SYNPR: variants seen among roughly 807,000 people sequenced by gnomAD.
SYNPR encodes synaptoporin.
Under a neutral mutation model 32.9 loss-of-function variants are expected in SYNPR, and 23 were observed. The ratio of observed to expected loss-of-function variants is 0.70; its 90% CI spans 0.50 to 0.99. SYNPR has a LOEUF of 0.99. Ranked by LOEUF, SYNPR falls within the 50% of genes least tolerant of loss-of-function variation. The pLI is 0.00. For missense variants in SYNPR, 318 were observed against 349.3 expected (o/e 0.91, Z 0.71); for synonymous variants, 146 against 135.9 (o/e 1.07, Z -0.52).
intron 1 of SYNPR, among the ~76,000 whole-genome samples, chr3:63,248,460 C>A (rs2086307456): frequency 6.6e-6 from 1 of 151,870 alleles, no homozygotes. Context: ...GTAAGAGATG[C>A]ATAAGTATGA....
chr3:63,271,954 T>C (rs1021516227), intron 3 of SYNPR, among the ~76,000 whole-genome samples: 1 of 151,756 alleles, frequency 6.6e-6, no homozygotes, highest in Non-Finnish European at 1.5e-5. Flanking sequence ...GGCCTAGGGG[T>C]TCAAAGAGAA....
At chr3:63,443,533 T>TATGGAGA in intron 2 of SYNPR, 1 of 1,536,310 alleles carries the variant, frequency 6.5e-7, no homozygotes. Flanking sequence ...TGTATGTGTC[T>TATGGAGA]CCATAGGCAC....
At chr3:63,326,239 T>C (rs756086063) in intron 2 of SYNPR, among the ~76,000 whole-genome samples, 1 of 152,046 alleles carries the variant, frequency 6.6e-6, no homozygotes, top group Non-Finnish European at 1.5e-5. Context: ...AAAGATCCCA[T>C]TGAAGTCAAT....
At chr3:63,264,618 G>T (rs568715893) in intron 2 of SYNPR, among the ~76,000 whole-genome samples, 1 of 152,170 alleles carries the variant, frequency 6.6e-6, no homozygotes, top group Non-Finnish European at 1.5e-5. Flanking sequence ...GAAGTAAGTG[G>T]TAGCCTGACA....
chr3:63,560,801 A>G (rs1419461142), intron 4 of SYNPR, among the ~76,000 whole-genome samples: 1 of 152,118 alleles, frequency 6.6e-6, no homozygotes, highest in Non-Finnish European at 1.5e-5. Context: ...TGAGAACAGC[A>G]GGGGGGGAAC....
At chr3:63,303,919 C>A (rs1303950054) in intron 2 of SYNPR, among the ~76,000 whole-genome samples, 2 of 151,896 alleles carry the variant, frequency 1.3e-5, no homozygotes, top group East Asian at 3.9e-4. Flanking sequence ...GTTAATGAAA[C>A]CCTCCAAGTG....
At chr3:63,585,420 C>A (rs1703165934) in intron 4 of SYNPR, among the ~76,000 whole-genome samples, 1 of 150,204 alleles carries the variant, frequency 6.7e-6, no homozygotes, top group Non-Finnish European at 1.5e-5. Flanking sequence ...AATGGCATTT[C>A]AGTCACATGT....
intron 3 of SYNPR, among the ~76,000 whole-genome samples, chr3:63,507,986 C>G (rs1156911746): frequency 6.6e-6 from 1 of 151,696 alleles, no homozygotes; most frequent in Non-Finnish European, 1.5e-5. Flanking sequence ...TTTGTTTAAC[C>G]TGATATATCC....
chr3:63,382,015 A>G (rs915771792), intron 2 of SYNPR, among the ~76,000 whole-genome samples: 4 of 152,200 alleles, frequency 2.6e-5, no homozygotes, highest in Non-Finnish European at 5.9e-5. Context: ...TTATATCCCC[A>G]GTTTATAATT....
At chr3:63,211,861 C>CGA in the SYNPR span, among the ~76,000 whole-genome samples, 1 of 64,018 alleles carries the variant, frequency 1.6e-5, no homozygotes, top group African/African-American at 6.0e-5. Flanking sequence ...CCTCCCCCCT[C>CGA]CCCCGACCCC....
intron 2 of SYNPR, among the ~76,000 whole-genome samples, chr3:63,292,504 C>T (rs992959009): frequency 7.9e-5 from 12 of 152,174 alleles, no homozygotes; most frequent in African/African-American, 2.9e-4. Flanking sequence ...TTGGATTTGA[C>T]TGTCAGCTCC....
At chr3:63,308,294 GAT>G (rs2086928419) in intron 2 of SYNPR, among the ~76,000 whole-genome samples, 1 of 151,942 alleles carries the variant, frequency 6.6e-6, no homozygotes, top group African/African-American at 2.4e-5. Flanking sequence ...ACATACAGCG[GAT>G]ATTCAATGGA....
At chr3:63,570,032 C>CTTTG (rs537469085) in intron 4 of SYNPR, among the ~76,000 whole-genome samples, 36 of 152,188 alleles carry the variant, frequency 2.4e-4, no homozygotes, top group African/African-American at 4.6e-4. Context: ...CTTTCATTGG[C>CTTTG]TTTGTTTGTT....
chr3:63,236,570 T>G (rs1370101971), intron 1 of SYNPR, among the ~76,000 whole-genome samples: 2 of 152,134 alleles, frequency 1.3e-5, no homozygotes, highest in Non-Finnish European at 2.9e-5. Context: ...GTTGTAATAT[T>G]CAGTATACAC....
intron 2 of SYNPR, among the ~76,000 whole-genome samples, chr3:63,381,586 A>G (rs1330503426): frequency 6.6e-6 from 1 of 152,198 alleles, no homozygotes; most frequent in Admixed American, 6.5e-5. Flanking sequence ...ACATGCCTAC[A>G]TTTTTATAGC....
intron 2 of SYNPR, among the ~76,000 whole-genome samples, chr3:63,355,057 T>C (rs1174485532): frequency 6.6e-6 from 1 of 152,106 alleles, no homozygotes; most frequent in East Asian, 1.9e-4. Context: ...GGCAGGTGGA[T>C]CATTTGATGT....
chr3:63,236,006 A>G (rs1463839980), intron 1 of SYNPR, among the ~76,000 whole-genome samples: 5 of 151,144 alleles, frequency 3.3e-5, no homozygotes, highest in Non-Finnish European at 5.9e-5. Context: ...TGTGTTTTAC[A>G]TGTAACTCCA....
At chr3:63,436,118 G>T (rs898137229) in intron 2 of SYNPR, among the ~76,000 whole-genome samples, 1 of 152,010 alleles carries the variant, frequency 6.6e-6, no homozygotes, top group African/African-American at 2.4e-5. Flanking sequence ...TACTTTAGAA[G>T]ATTAACAACT....
chr3:63,450,978 C>T (rs533972007), intron 2 of SYNPR, among the ~76,000 whole-genome samples: 21 of 152,294 alleles, frequency 1.4e-4, no homozygotes, highest in African/African-American at 4.8e-4. Flanking sequence ...CCTCAGAGCA[C>T]TCAAACTTGC....
Sources: gnomAD v4.1 joint callset for allele counts (sites outside exome capture counted in the v4.1 genomes callset) on GRCh38, gnomAD v4.1.1 for gene constraint, MANE v1.5 for transcripts, NCBI Gene and HGNC (gene_info 2026-07-23, HGNC 2026-07-21) for gene names.